The following ZNF407 variants were observed in gnomAD, a reference collection of about 807,000 sequenced individuals.
ZNF407 encodes the protein zinc finger protein 407.
ZNF407 carries 17 observed loss-of-function variants against 131.2 expected under a neutral mutation model. The ratio of observed to expected loss-of-function variants is 0.13; its 90% confidence interval spans 0.09 to 0.19. The LOEUF (loss-of-function observed/expected upper bound fraction) is 0.19. Ranked by LOEUF, ZNF407 falls within the 10% of genes least tolerant of loss-of-function variation. The probability of loss-of-function intolerance (pLI) is 1.00; values close to 1 mark genes in which losing one functional copy is unlikely to be tolerated. For synonymous variants in ZNF407, 1,156 were observed against 1,062.0 expected, an observed-to-expected ratio of 1.09 and a Z score of -1.72; for missense variants, 2,681 against 2,830.6, an observed-to-expected ratio of 0.95 and a Z score of 1.20.
intron 4 of ZNF407, among the ~76,000 whole-genome samples, chr18:74,847,853 A>G (rs1970723333): frequency 7.4e-6 from 1 of 134,462 alleles, no homozygotes; most frequent in South Asian, 2.3e-4. Context: ...GGTAAAATAC[A>G]AAAAAAAAAA....
At chr18:74,646,126 A>G (rs1362616516) in intron 3 of ZNF407, among the ~76,000 whole-genome samples, 1 of 152,208 alleles carries the variant, frequency 6.6e-6, no homozygotes, top group Non-Finnish European at 1.5e-5. Flanking sequence ...TTAAAAATAC[A>G]TGGTTGTGGG....
chr18:75,056,592 T>G (rs1973564879), intron 8 of ZNF407, among the ~76,000 whole-genome samples: 1 of 152,218 alleles, frequency 6.6e-6, no homozygotes, highest in Non-Finnish European at 1.5e-5. Context: ...TCCCCCGTAA[T>G]ATGTACCAGT....
intron 4 of ZNF407, among the ~76,000 whole-genome samples, chr18:74,867,826 A>G (rs1367101954): frequency 6.6e-6 from 1 of 152,240 alleles, no homozygotes; most frequent in African/African-American, 2.4e-5. Flanking sequence ...AACTCTGCAT[A>G]TCAGTTTCCT....
chr18:75,038,601 A>AGG (rs1973337510), intron 8 of ZNF407, among the ~76,000 whole-genome samples: 1 of 152,218 alleles, frequency 6.6e-6, no homozygotes, highest in South Asian at 2.1e-4. Flanking sequence ...GTGTAAAGGA[A>AGG]GGGAAGCACC....
chr18:74,915,782 G>A (rs1971749881), intron 7 of ZNF407, among the ~76,000 whole-genome samples: 1 of 40,926 alleles, frequency 2.4e-5, no homozygotes, highest in Non-Finnish European at 5.0e-5. Flanking sequence ...GTGTATGTGT[G>A]TGTGTACATG....
At chr18:74,763,930 G>A (rs1254440019) in intron 3 of ZNF407, among the ~76,000 whole-genome samples, 5 of 151,488 alleles carry the variant, frequency 3.3e-5, no homozygotes, top group Non-Finnish European at 4.4e-5. Context: ...AGCCAGGATG[G>A]TCTCGATCTC....
chr18:74,783,321 G>T (rs1969643043), intron 4 of ZNF407, among the ~76,000 whole-genome samples: 1 of 152,126 alleles, frequency 6.6e-6, no homozygotes. Flanking sequence ...GTAGTAAGAA[G>T]AAAATATTTC....
chr18:74,886,317 C>G (rs140147698), intron 6 of ZNF407, among the ~76,000 whole-genome samples: 1 of 152,246 alleles, frequency 6.6e-6, no homozygotes, highest in Non-Finnish European at 1.5e-5. Context: ...ATGTAAAATG[C>G]TCAAACAACT....
chr18:74,912,193 A>G (rs1164542784), intron 7 of ZNF407, among the ~76,000 whole-genome samples: 1 of 152,166 alleles, frequency 6.6e-6, no homozygotes, highest in Non-Finnish European at 1.5e-5. Context: ...AATATTATTA[A>G]CACATATTAA....
intron 8 of ZNF407, among the ~76,000 whole-genome samples, chr18:74,977,811 G>T (rs1376174516): frequency 1.3e-5 from 2 of 152,214 alleles, no homozygotes; most frequent in Non-Finnish European, 2.9e-5. Flanking sequence ...GGCATTTGCC[G>T]ACTACTTCTG....
rs553835907 is a variant in ZNF407 at position 74,831,586 on chromosome 18, G to A, written c.4878-45611G>A. 5.8e-4 allele frequency among the ~76,000 whole-genome samples: 89 copies of A among 152,268 alleles called. 1 individual carries two copies. Among genetic ancestry groups the A allele is most frequent in the Non-Finnish European group, 1.1e-3 (75 of 68,018 alleles). On this transcript the variant is annotated intron_variant, in intron 4 of 8. Coordinates refer to ENST00000299687, the MANE Select transcript of ZNF407 (RefSeq NM_017757.3). ...AAGGTTAAGCTTTGTTGTAGAGAGTGGTAGTCTTTCCTTCCTTTTTAAGGC... is the reference window on the plus strand; with the variant it reads ...AAGGTTAAGCTTTGTTGTAGAGAGTAGTAGTCTTTCCTTCCTTTTTAAGGC...
chr18:74,785,645 A>G (rs1022681363), intron 4 of ZNF407, among the ~76,000 whole-genome samples: 3 of 152,176 alleles, frequency 2.0e-5, no homozygotes, highest in African/African-American at 4.8e-5. Flanking sequence ...TAAAAGCATC[A>G]TTGCTATTTT....
At position 74,942,543 on chromosome 18, in the gene ZNF407, T is replaced by A. The variant is rs7227109; in HGVS notation, c.5428+21851T>A. Among the ~76,000 whole-genome samples the A allele has an allele frequency of 6.3e-3, 954 of 152,360 alleles. 10 individuals are homozygous for A. The highest frequency in any genetic ancestry group is 0.02 in the African/African-American group (819 of 41,592). ...ACCGGTTTGTAAGAAATCTTTTTAATCTTTCTGACCTGAAGTTTAACATTT... is the reference window on the plus strand; with the variant it reads ...ACCGGTTTGTAAGAAATCTTTTTAAACTTTCTGACCTGAAGTTTAACATTT... On this transcript the variant is annotated intron_variant, in intron 8 of 8. Transcript: ENST00000299687.
intron 4 of ZNF407, among the ~76,000 whole-genome samples, chr18:74,842,428 G>C (rs1042237778): frequency 6.6e-6 from 1 of 152,052 alleles, no homozygotes; most frequent in Non-Finnish European, 1.5e-5. Flanking sequence ...TCCTACTACT[G>C]TGTTTAAATC....
chr18:74,729,606 T>C (rs1034500342), intron 3 of ZNF407, among the ~76,000 whole-genome samples: 1 of 152,146 alleles, frequency 6.6e-6, no homozygotes, highest in Non-Finnish European at 1.5e-5. Flanking sequence ...TATGCTGTGT[T>C]CTGTAGGGTA....
At chr18:74,995,420 G>T (rs1972769135) in intron 8 of ZNF407, among the ~76,000 whole-genome samples, 1 of 152,080 alleles carries the variant, frequency 6.6e-6, no homozygotes, top group Non-Finnish European at 1.5e-5. Flanking sequence ...TTGCAGTGTG[G>T]GTGGACCAGT....
At chr18:74,727,263 A>G (rs947734812) in intron 3 of ZNF407, among the ~76,000 whole-genome samples, 3 of 152,134 alleles carry the variant, frequency 2.0e-5, no homozygotes, top group African/African-American at 4.8e-5. Flanking sequence ...TGAAGAGGAC[A>G]GTAGGAAGAG....
chr18:74,857,743 A>G (rs1970878775), intron 4 of ZNF407, among the ~76,000 whole-genome samples: 1 of 152,164 alleles, frequency 6.6e-6, no homozygotes, highest in South Asian at 2.1e-4. Flanking sequence ...TGAAGTACTG[A>G]GTACTTGAAT....
chr18:74,892,689 AT>A (rs1226836978), intron 7 of ZNF407, among the ~76,000 whole-genome samples: 1 of 152,188 alleles, frequency 6.6e-6, no homozygotes, highest in Non-Finnish European at 1.5e-5. Context: ...CCAAAAATCA[AT>A]TTTTGGATAA....
Sources: allele counts gnomAD v4.1 joint callset (sites outside exome capture counted in the v4.1 genomes callset), GRCh38; gene constraint gnomAD v4.1.1; transcripts MANE v1.5; gene names NCBI Gene and HGNC (gene_info 2026-07-23, HGNC 2026-07-21).